The following SIK3 variants were observed in gnomAD, a reference collection of about 807,000 sequenced individuals.
SIK3 encodes the protein serine/threonine-protein kinase SIK3.
SIK3 carries 28 observed loss-of-function variants against 144.2 expected under a neutral mutation model. The ratio of observed to expected loss-of-function variants is 0.19; its 90% CI spans 0.14 to 0.27. The LOEUF (loss-of-function observed/expected upper bound fraction) is 0.27, where lower values mean the gene tolerates loss of function less well. Ranked by LOEUF, SIK3 falls within the 10% of genes least tolerant of loss-of-function variation. The pLI, the probability that SIK3 is intolerant of heterozygous loss-of-function variation, is 1.00. For missense variants in SIK3, 1,319 were observed against 1,776.0 expected, an observed-to-expected ratio of 0.74 and a Z score of 4.62; for synonymous variants, 686 against 676.3, an observed-to-expected ratio of 1.01 and a Z score of -0.22.
At chr11:116,859,229 A>G (rs1565371110) in intron 20 of SIK3, 36 bp downstream of exon 20, 1 of 1,566,510 alleles carries the variant, frequency 6.4e-7, no homozygotes, top group South Asian at 1.2e-5. Context: ...CCTGGATCCC[A>G]TGCATAGATG....
At chr11:116,893,246 C>A (rs1945223456) in intron 6 of SIK3, among the ~76,000 whole-genome samples, 1 of 151,904 alleles carries the variant, frequency 6.6e-6, no homozygotes, top group Non-Finnish European at 1.5e-5. Flanking sequence ...TTGATTGTAA[C>A]AAACATACCA....
intron 3 of SIK3, among the ~76,000 whole-genome samples, chr11:116,947,198 A>AATATATAATATATG (rs1948674147): frequency 1.6e-5 from 2 of 123,794 alleles, no homozygotes; most frequent in Admixed American, 8.4e-5. Context: ...TATTATATAC[A>AATATATAATATATG]AATTATTATT....
chr11:117,003,100 G>A (rs1950912175), intron 1 of SIK3, among the ~76,000 whole-genome samples: 1 of 152,192 alleles, frequency 6.6e-6, no homozygotes, highest in African/African-American at 2.4e-5. Context: ...GTAGCTGAGA[G>A]AGAACAGTGT....
intron 6 of SIK3, among the ~76,000 whole-genome samples, chr11:116,879,759 C>G (rs1365171627): frequency 6.6e-6 from 1 of 152,208 alleles, no homozygotes; most frequent in African/African-American, 2.4e-5. Context: ...CAGTGTACAT[C>G]TCAAAGACTT....
intron 4 of SIK3, among the ~76,000 whole-genome samples, chr11:116,912,448 T>C (rs1218278174): frequency 6.6e-6 from 1 of 152,244 alleles, no homozygotes; most frequent in Admixed American, 6.5e-5. Context: ...AGCAATGAAC[T>C]TGACTTCTTT....
Position 116,915,156 on chromosome 11 carries a change from G to GTGTGTA in SIK3, c.616+12057_616+12062dup, listed in dbSNP as rs1555093388. 6.3e-3 allele frequency among the ~76,000 whole-genome samples: 927 copies of GTGTGTA among 148,156 alleles called. 4 individuals are homozygous for GTGTGTA. Among genetic ancestry groups the GTGTGTA allele is most frequent in the South Asian group, 0.018 (84 of 4,550 alleles). ...TGTGTGTGTGTGTGTGTGTGTGTGT[G>GTGTGTA]TGTGTATGTGTATTTTTTCTTTTTG... On this transcript the variant is annotated intron_variant, in intron 4 of 24. Transcript: ENST00000445177.
At chr11:117,027,737 G>A (rs914340109) in intron 1 of SIK3, among the ~76,000 whole-genome samples, 1 of 151,806 alleles carries the variant, frequency 6.6e-6, no homozygotes, top group African/African-American at 2.4e-5. Flanking sequence ...AAAGTGCTGG[G>A]ATTACAGACG....
intron 21 of SIK3, among the ~76,000 whole-genome samples, chr11:116,854,812 C>T (rs1942744344): frequency 6.6e-6 from 1 of 151,892 alleles, no homozygotes; most frequent in Non-Finnish European, 1.5e-5. Context: ...ACCTGAAAGC[C>T]AGGCATGGTG....
At chr11:116,853,294 C>T (rs1469908828) in intron 21 of SIK3, among the ~76,000 whole-genome samples, 1 of 152,200 alleles carries the variant, frequency 6.6e-6, no homozygotes, top group Non-Finnish European at 1.5e-5. Context: ...TACAAACAGA[C>T]TAACCCACTG....
rs1199422531 is a variant in SIK3, at chr11:116,860,181, T to C, written c.2426-577A>G. 4.0e-5 allele frequency among the ~76,000 whole-genome samples: 6 copies of C among 151,080 alleles called. No homozygotes were observed. In the East Asian group the frequency reaches 9.7e-4, roughly 24 times the overall value. On this transcript the variant is annotated intron_variant, in intron 19 of 24. Transcript: ENST00000445177. ...AATCATTTGAACCCGGAGGTGGAGG[T>C]TGCAGTGAGCCGAGATCATACCACT...
At chr11:116,887,131 G>A (rs1442822028) in intron 6 of SIK3, among the ~76,000 whole-genome samples, 1 of 151,846 alleles carries the variant, frequency 6.6e-6, no homozygotes, top group Non-Finnish European at 1.5e-5. Context: ...ATGGCTGGGC[G>A]TGATGGCTCA....
At chr11:116,884,249 C>T (rs1481386762) in intron 6 of SIK3, among the ~76,000 whole-genome samples, 1 of 151,598 alleles carries the variant, frequency 6.6e-6, no homozygotes, top group Non-Finnish European at 1.5e-5. Context: ...AGGCTGGGTG[C>T]AATCATAGCT....
At position 117,056,026 on chromosome 11, in the gene SIK3, C is replaced by A. The variant is rs187121222; in HGVS notation, c.273+42117G>T. On this transcript the variant is annotated intron_variant, in intron 1 of 24. Coordinates refer to ENST00000445177, the MANE Select transcript of SIK3 (RefSeq NM_001366686.3). ...ATTCTCCTATAGCAGCACAAAAGAA[C>A]TGACAGCAACCAAAGCTCTATCAGT... Among the ~76,000 whole-genome samples the A allele has an allele frequency of 7.2e-4, 110 of 152,296 alleles. 1 individual carries two copies. The highest frequency in any genetic ancestry group is 8.7e-4 in the Non-Finnish European group (59 of 68,028).
chr11:117,051,925 C>T (rs1266455318), intron 1 of SIK3, among the ~76,000 whole-genome samples: 2 of 151,766 alleles, frequency 1.3e-5, no homozygotes, highest in African/African-American at 2.4e-5. Flanking sequence ...AGGTGGATCA[C>T]GAGGTCAGGA....
intron 4 of SIK3, among the ~76,000 whole-genome samples, chr11:116,912,767 C>T (rs538416042): frequency 1.3e-5 from 2 of 152,298 alleles, no homozygotes; most frequent in East Asian, 3.9e-4. Flanking sequence ...GATTCACAAT[C>T]CCAATACTGC....
chr11:116,950,152 G>C (rs556328064), intron 3 of SIK3: 10 of 470,854 alleles, frequency 2.1e-5, no homozygotes, highest in Non-Finnish European at 4.4e-5. Context: ...TTCCACAAGT[G>C]GGGGCTGAGT....
chr11:117,004,535 A>G (rs1248818302), intron 1 of SIK3, among the ~76,000 whole-genome samples: 1 of 152,076 alleles, frequency 6.6e-6, no homozygotes, highest in Non-Finnish European at 1.5e-5. Context: ...AAAAAAGAAC[A>G]ACGTTATTTA....
intron 1 of SIK3, among the ~76,000 whole-genome samples, chr11:117,061,353 G>A (rs1418944576): frequency 6.6e-6 from 1 of 152,110 alleles, no homozygotes; most frequent in Non-Finnish European, 1.5e-5. Flanking sequence ...GAGCGAACAC[G>A]CATGTGGTAA....
chr11:116,934,501 T>C (rs1238707674), intron 3 of SIK3, among the ~76,000 whole-genome samples: 2 of 152,362 alleles, frequency 1.3e-5, no homozygotes, highest in East Asian at 3.9e-4. Flanking sequence ...TAAATTTTCT[T>C]CTGTCTCTTC....
Sources: allele counts gnomAD v4.1 joint callset (sites outside exome capture counted in the v4.1 genomes callset), GRCh38; gene constraint gnomAD v4.1.1; transcripts MANE v1.5; gene names NCBI Gene and HGNC (gene_info 2026-07-23, HGNC 2026-07-21).